Variants in THSD7B observed in about 807,000 individuals in gnomAD.
THSD7B encodes the protein thrombospondin type 1 domain containing 7B, also known as thrombospondin type-1 domain-containing protein 7B.
In THSD7B, 138 loss-of-function variants were observed where a neutral mutation model predicts 213.6. The ratio of observed to expected loss-of-function variants is 0.65; its 90% CI spans 0.56 to 0.74. The LOEUF is 0.74. THSD7B is among the 30% of genes least tolerant of loss of function. The pLI is 0.00. For missense variants in THSD7B, 1,931 were observed against 1,991.5 expected, an observed-to-expected ratio of 0.97 and a Z score of 0.58; for synonymous variants, 742 against 687.0, an observed-to-expected ratio of 1.08 and a Z score of -1.25.
intron 3 of THSD7B, among the ~76,000 whole-genome samples, chr2:137,060,461 A>G (rs945580468): frequency 4.6e-5 from 7 of 151,542 alleles, no homozygotes; most frequent in Middle Eastern, 3.4e-3. Context: ...TTTTTCTCTT[A>G]TATTTTCTTC....
chr2:136,844,575 C>A (rs1327239057), intron 1 of THSD7B, among the ~76,000 whole-genome samples: 2 of 151,890 alleles, frequency 1.3e-5, no homozygotes, highest in African/African-American at 4.8e-5. Flanking sequence ...CCAAGCCTAG[C>A]AAGGGAATTG....
At chr2:137,485,918 C>T (rs373592381) in intron 15 of THSD7B, among the ~76,000 whole-genome samples, 3 of 152,000 alleles carry the variant, frequency 2.0e-5, no homozygotes, top group Non-Finnish European at 2.9e-5. Context: ...GAAGGAGAAA[C>T]AAAATACTTT....
chr2:137,605,648 C>CTTTTTTTTTTTTT lies in THSD7B; in HGVS notation c.3424-10500_3424-10488dup, dbSNP rs34604281. ...AAAAAGCATATATTGGCACTTCGCA[C>CTTTTTTTTTTTTT]TTTTTTTTTTTTTTTTTTTTTTTTT... On this transcript the variant is annotated intron_variant, in intron 17 of 27. Transcript: ENST00000409968. Among the ~76,000 whole-genome samples the CTTTTTTTTTTTTT allele has an allele frequency of 3.2e-4, 22 of 69,014 alleles. 6 individuals are homozygous for CTTTTTTTTTTTTT. The highest frequency in any genetic ancestry group is 6.3e-4 in the African/African-American group (11 of 17,590). The allele number at this position is 69,014 out of a possible 152,430, so 45.3% of individuals were successfully genotyped here.
intron 1 of THSD7B, among the ~76,000 whole-genome samples, chr2:136,854,511 C>T (rs531641394): frequency 9.2e-5 from 14 of 152,072 alleles, no homozygotes; most frequent in African/African-American, 3.4e-4. Flanking sequence ...TGATGTCCTC[C>T]CATGGCCCCC....
chr2:137,660,684 G>A (rs1435062937), intron 25 of THSD7B, among the ~76,000 whole-genome samples: 1 of 152,206 alleles, frequency 6.6e-6, no homozygotes, highest in African/African-American at 2.4e-5. Flanking sequence ...ATGACTGACT[G>A]GTTACAAGTT....
At chr2:137,302,225 G>T (rs1267746828) in intron 12 of THSD7B, among the ~76,000 whole-genome samples, 1 of 152,224 alleles carries the variant, frequency 6.6e-6, no homozygotes, top group South Asian at 2.1e-4. Context: ...GGGATTGTAT[G>T]TAACTAGGGA....
At chr2:137,411,994 A>G in intron 14 of THSD7B, 122 bp downstream of exon 14, 1 of 1,142,034 alleles carries the variant, frequency 8.8e-7, no homozygotes, top group Non-Finnish European at 1.2e-6. Context: ...TTTGTCAATA[A>G]CACATTGTCT....
intron 1 of THSD7B, among the ~76,000 whole-genome samples, chr2:136,798,630 G>C (rs1682115097): frequency 6.6e-6 from 1 of 151,894 alleles, no homozygotes; most frequent in South Asian, 2.1e-4. Flanking sequence ...AGGGACCACT[G>C]ACCTGATATC....
chr2:136,981,629 A>T (rs1386612808), intron 2 of THSD7B, among the ~76,000 whole-genome samples: 1 of 152,184 alleles, frequency 6.6e-6, no homozygotes, highest in African/African-American at 2.4e-5. Context: ...CATCACTGCC[A>T]TGCCTCACGT....
intron 2 of THSD7B, among the ~76,000 whole-genome samples, chr2:136,999,388 T>A (rs1056374065): frequency 1.2e-4 from 19 of 152,036 alleles, no homozygotes; most frequent in Admixed American, 1.0e-3. Flanking sequence ...AACCTGTGTG[T>A]TGACTGAAAA....
intron 2 of THSD7B, among the ~76,000 whole-genome samples, chr2:136,936,292 C>T (rs916360402): frequency 6.6e-6 from 1 of 152,038 alleles, no homozygotes; most frequent in African/African-American, 2.4e-5. Context: ...AGTAGAACTA[C>T]CATTTGATCC....
At chr2:137,385,320 G>T (rs1685870534) in intron 12 of THSD7B, among the ~76,000 whole-genome samples, 1 of 152,226 alleles carries the variant, frequency 6.6e-6, no homozygotes, top group Non-Finnish European at 1.5e-5. Flanking sequence ...TAATTGCAGT[G>T]GAGTGTAGTT....
intron 17 of THSD7B, among the ~76,000 whole-genome samples, chr2:137,608,862 G>A (rs956737819): frequency 6.6e-6 from 1 of 152,160 alleles, no homozygotes; most frequent in Non-Finnish European, 1.5e-5. Flanking sequence ...CTGAACCTCC[G>A]GCCCTTCTAA....
At chr2:136,847,864 A>C (rs754524994) in intron 1 of THSD7B, among the ~76,000 whole-genome samples, 2 of 152,192 alleles carry the variant, frequency 1.3e-5, no homozygotes, top group African/African-American at 2.4e-5. Flanking sequence ...TATCAGAAGC[A>C]CAGGGTGTGG....
intron 2 of THSD7B, among the ~76,000 whole-genome samples, chr2:136,913,484 A>G (rs1684301054): frequency 6.6e-6 from 1 of 152,244 alleles, no homozygotes; most frequent in Admixed American, 6.5e-5. Flanking sequence ...AAATGTCTCC[A>G]GGCCATGTCA....
At chr2:137,609,473 G>T (rs1682247646) in intron 17 of THSD7B, among the ~76,000 whole-genome samples, 2 of 152,152 alleles carry the variant, frequency 1.3e-5, no homozygotes, top group African/African-American at 4.8e-5. Context: ...TGCAGGCAGA[G>T]GGAACAGCAA....
At chr2:137,164,839 T>A (rs528074777) in intron 6 of THSD7B, among the ~76,000 whole-genome samples, 10 of 151,996 alleles carry the variant, frequency 6.6e-5, no homozygotes, top group South Asian at 2.1e-4. Context: ...ATGAGAACAC[T>A]TGGACACAGG....
At chr2:137,558,556 A>C (rs532845805) in intron 15 of THSD7B, among the ~76,000 whole-genome samples, 14 of 152,224 alleles carry the variant, frequency 9.2e-5, no homozygotes, top group Non-Finnish European at 2.1e-4. Context: ...TATTGATGGA[A>C]AGTATCTCAA....
intron 2 of THSD7B, among the ~76,000 whole-genome samples, chr2:136,958,357 C>T (rs530143): frequency 0.41 from 61,965 of 152,002 alleles, 14,824 homozygotes; most frequent in Non-Finnish European, 0.55. Context: ...TTTAGTTGAT[C>T]GCAAGCAAAT....
Sources: allele counts gnomAD v4.1 joint callset (sites outside exome capture counted in the v4.1 genomes callset), GRCh38; gene constraint gnomAD v4.1.1; transcripts MANE v1.5; gene names NCBI Gene and HGNC (gene_info 2026-07-23, HGNC 2026-07-21).